CLPTM1: variants seen among roughly 807,000 people sequenced by gnomAD.
CLPTM1 encodes the protein putative lipid scramblase CLPTM1.
In CLPTM1, 21 loss-of-function variants were observed where a neutral mutation model predicts 77.3. The ratio of observed to expected loss-of-function variants is 0.27; its 90% CI spans 0.19 to 0.39. CLPTM1 has a LOEUF of 0.39. CLPTM1 is among the 10% of genes least tolerant of loss of function. CLPTM1 has a pLI of 1.00. For synonymous variants in CLPTM1, 373 were observed against 381.0 expected (o/e 0.98, Z 0.24); for missense variants, 642 against 921.2 (o/e 0.70, Z 3.92).
chr19:44,964,759 T>G (rs1970601285), intron 2 of CLPTM1, among the ~76,000 whole-genome samples: 1 of 152,204 alleles, frequency 6.6e-6, no homozygotes, highest in South Asian at 2.1e-4. Context: ...TTCTTCCTCC[T>G]TGCAACACCT....
intron 7 of CLPTM1, 155 bp from the exon 8 acceptor site, chr19:44,987,024 G>C: frequency 1.0e-6 from 1 of 992,486 alleles, no homozygotes; most frequent in Middle Eastern, 3.1e-4. Context: ...CTGAGGTCAA[G>C]GCACCCTTTA....
intron 2 of CLPTM1, among the ~76,000 whole-genome samples, chr19:44,962,290 G>T (rs1970556924): frequency 6.6e-6 from 1 of 151,810 alleles, no homozygotes; most frequent in Non-Finnish European, 1.5e-5. Context: ...ACCTGTTCTG[G>T]TTTTTGGGGG....
chr19:44,959,245 A>T (rs1970508155), intron 1 of CLPTM1, among the ~76,000 whole-genome samples: 1 of 150,930 alleles, frequency 6.6e-6, no homozygotes, highest in Non-Finnish European at 1.5e-5. Flanking sequence ...TAAGTAAGAG[A>T]GACAGGGTCT....
intron 2 of CLPTM1, 109 bp downstream of exon 2, chr19:44,962,184 G>C: frequency 1.9e-6 from 1 of 519,184 alleles, no homozygotes; most frequent in East Asian, 3.6e-5. Context: ...CTGTATGGTA[G>C]AGTTGCTTTT....
chr19:44,962,194 T>C (rs1472894488), intron 2 of CLPTM1, 119 bp downstream of exon 2: 1 of 476,790 alleles, frequency 2.1e-6, no homozygotes, highest in Non-Finnish European at 3.6e-6. Context: ...GAGTTGCTTT[T>C]TTTCTTTTTT....
At chr19:44,969,430 C>T (rs1970684075) in intron 2 of CLPTM1, among the ~76,000 whole-genome samples, 1 of 152,110 alleles carries the variant, frequency 6.6e-6, no homozygotes. Context: ...AATCACATGG[C>T]TGCATGCAGC....
At chr19:44,972,213 A>G (rs560579636) in intron 2 of CLPTM1, among the ~76,000 whole-genome samples, 5 of 149,380 alleles carry the variant, frequency 3.3e-5, no homozygotes, top group Admixed American at 2.0e-4. Flanking sequence ...TATTGACTAG[A>G]GTTGCCGTGT....
At chr19:44,966,020 T>G (rs759596180) in intron 2 of CLPTM1, among the ~76,000 whole-genome samples, 5 of 152,192 alleles carry the variant, frequency 3.3e-5, no homozygotes, top group Non-Finnish European at 7.3e-5. Flanking sequence ...CATAAAATCT[T>G]ATTACTGGTT....
intron 1 of CLPTM1, among the ~76,000 whole-genome samples, chr19:44,960,034 C>T (rs898531983): frequency 6.6e-6 from 1 of 152,168 alleles, no homozygotes; most frequent in Non-Finnish European, 1.5e-5. Flanking sequence ...CAGCTCAGAC[C>T]CATTGAAACC....
At chr19:44,962,808 AC>A (rs1277912371) in intron 2 of CLPTM1, among the ~76,000 whole-genome samples, 1 of 151,840 alleles carries the variant, frequency 6.6e-6, no homozygotes, top group Non-Finnish European at 1.5e-5. Context: ...GCTTACACCT[AC>A]AATCCCAGCA....
intron 2 of CLPTM1, among the ~76,000 whole-genome samples, chr19:44,967,617 A>G (rs981166475): frequency 6.7e-6 from 1 of 150,202 alleles, no homozygotes; most frequent in Non-Finnish European, 1.5e-5. Flanking sequence ...AGATCATGCC[A>G]TTTTACTCCA....
chr19:44,992,435 G>A lies in CLPTM1; in HGVS notation c.1723+35G>A. ...GGTGGGCAGGTGGGAGCTCCCACCG[G>A]AACAGGGCCCTGAGGCAGTCTTTAG... On this transcript the variant is annotated intron_variant, in intron 13 of 13. Coordinates refer to ENST00000337392, the MANE Select transcript of CLPTM1 (RefSeq NM_001294.4). The surrounding 1 kb of genome is among the most constrained non-coding windows in gnomAD (Gnocchi z 7.7). 6.2e-7 allele frequency: 1 copy of A among 1,613,132 alleles called. No homozygotes were observed. Among genetic ancestry groups the A allele is most frequent in the South Asian group, 1.1e-5 (1 of 91,032 alleles).
At position 44,986,983 on chromosome 19, in the gene CLPTM1, A is replaced by G. The variant is rs545885884; in HGVS notation, c.794-196A>G. ...GCCACAGCTGCCCCCTTCAGTGGGGACCTGCCTGCCCTTTGCCTCAGTCCC... is the reference window on the plus strand; with the variant it reads ...GCCACAGCTGCCCCCTTCAGTGGGGGCCTGCCTGCCCTTTGCCTCAGTCCC... On this transcript the variant is annotated intron_variant, in intron 7 of 13. Coordinates refer to ENST00000337392, the MANE Select transcript of CLPTM1 (RefSeq NM_001294.4). The G allele has an allele frequency of 6.0e-6, 4 of 666,024 alleles. No homozygotes were observed. In the Admixed American group the frequency reaches 1.2e-4, roughly 20 times the overall value. The allele number at this position is 666,024 out of a possible 1,614,324, so 41.3% of individuals were successfully genotyped here.
In CLPTM1 at chr19:44,966,231, G is replaced by A. The variant is rs148821658; in HGVS notation, c.185+4156G>A. Among the ~76,000 whole-genome samples the A allele has an allele frequency of 1.8e-3, 275 of 152,278 alleles. 4 individuals carry two copies. In the East Asian group the frequency reaches 0.043, roughly 24 times the overall value. On this transcript the variant is annotated intron_variant, in intron 2 of 13. Transcript: ENST00000337392. ...TCGAGACCATCCTGGCTAACACAGT[G>A]AAACTGCATCTCTACTAAAAATATA...
rs757138695 is a variant in CLPTM1, at chr19:44,977,492, G to A, written c.586+32G>A. ...CGCTCCCCTGCAGCCAGGACCCACTGTCCAGGAGGCCAGCATCCTGGGAGC... is the reference window on the plus strand; with the variant it reads ...CGCTCCCCTGCAGCCAGGACCCACTATCCAGGAGGCCAGCATCCTGGGAGC... On this transcript the variant is annotated intron_variant, in intron 5 of 13. Transcript: ENST00000337392. The A allele has an allele frequency of 3.3e-6, 5 of 1,510,478 alleles. No homozygotes were observed. In the South Asian group the frequency reaches 5.6e-5, roughly 17 times the overall value. 93.6% of individuals were successfully genotyped at this position (1,510,478 alleles called of 1,614,324 possible).
chr19:44,954,958 GA>G, upstream of CLPTM1: 1 of 1,533,128 alleles, frequency 6.5e-7, no homozygotes, highest in Non-Finnish European at 8.7e-7. Flanking sequence ...TTCCTCTGAC[GA>G]AAGAGGGGCG....
chr19:44,977,326 C>T lies in CLPTM1; in HGVS notation c.469-17C>T, dbSNP rs1165919462. 1 of 1,597,332 alleles carries T rather than the reference C, an allele frequency of 6.3e-7. No homozygotes were observed. Among genetic ancestry groups the T allele is most frequent in the African/African-American group, 1.3e-5 (1 of 74,832 alleles). On this transcript the variant is annotated splice_polypyrimidine_tract_variant and intron_variant, in intron 4 of 13. Transcript: ENST00000337392. ...CCAGTTGCCCAGCCTGCCCACCTGA[C>T]CTTCCGTCTTTTGCAGAGCGTCCAG... is the stretch of plus-strand genomic sequence containing the variant.
Position 44,960,622 on chromosome 19 carries a change from T to TC in CLPTM1, c.73-1340dup. Among the ~76,000 whole-genome samples, 2 of 152,270 alleles carry TC rather than the reference T, an allele frequency of 1.3e-5. 1 individual carries two copies. Among genetic ancestry groups the TC allele is most frequent in the Admixed American group, 1.3e-4 (2 of 15,282 alleles). On this transcript the variant is annotated intron_variant, in intron 1 of 13. Coordinates refer to ENST00000337392, the MANE Select transcript of CLPTM1 (RefSeq NM_001294.4). ...TGACACATTTAACACATGTAGCCCCTCTAACCATGCTCCTGGGACATTTGC... is the reference window on the plus strand; with the variant it reads ...TGACACATTTAACACATGTAGCCCCTCCTAACCATGCTCCTGGGACATTTGC...
intron 3 of CLPTM1, 94 bp from the exon 4 acceptor site, chr19:44,974,345 C>G (rs1209498228): frequency 7.8e-7 from 1 of 1,279,532 alleles, no homozygotes; most frequent in African/African-American, 1.5e-5. Flanking sequence ...ATTACTGTTC[C>G]CCTGAGTGTG....
Sources: gnomAD v4.1 joint callset for allele counts (sites outside exome capture counted in the v4.1 genomes callset) on GRCh38, gnomAD v4.1.1 for gene constraint, Gnocchi (gnomAD v3.1) non-coding constraint, MANE v1.5 for transcripts, NCBI Gene and HGNC (gene_info 2026-07-23, HGNC 2026-07-21) for gene names.